Variants in METAP2 observed in about 807,000 individuals in gnomAD.
METAP2 encodes methionine aminopeptidase 2.
In METAP2, 25 loss-of-function variants were observed where a neutral mutation model predicts 59.4. The observed-to-expected ratio is 0.42, with a 90% CI of 0.31 to 0.59. The LOEUF is 0.59. Ranked by LOEUF, METAP2 falls within the 20% of genes least tolerant of loss-of-function variation. The probability of loss-of-function intolerance (pLI) is 0.16; values close to 1 mark genes in which losing one functional copy is unlikely to be tolerated. For synonymous variants in METAP2, 214 were observed against 194.1 expected (o/e 1.10, Z -0.85); for missense variants, 366 against 581.2 (o/e 0.63, Z 3.81).
intron 4 of METAP2, among the ~76,000 whole-genome samples, chr12:95,487,316 A>AT (rs5800208): frequency 0.13 from 20,008 of 148,516 alleles, 1,363 homozygotes; most frequent in Middle Eastern, 0.2. Flanking sequence ...TAAAGACACC[A>AT]TTTTTTTTTT....
chr12:95,494,385 G>C (rs1393730050), intron 5 of METAP2, among the ~76,000 whole-genome samples, 168 bp downstream of exon 5: 1 of 152,140 alleles, frequency 6.6e-6, no homozygotes, highest in Non-Finnish European at 1.5e-5. Flanking sequence ...ACCATGAAGA[G>C]GAGTACACAT....
At chr12:95,481,137 A>G (rs2140139769) in intron 2 of METAP2, among the ~76,000 whole-genome samples, 1 of 152,338 alleles carries the variant, frequency 6.6e-6, no homozygotes, top group Non-Finnish European at 1.5e-5. Flanking sequence ...AAATAAACAT[A>G]AGCAGCCTCT....
chr12:95,504,247 T>G (rs766515546), intron 8 of METAP2, 86 bp downstream of exon 8: 2 of 870,106 alleles, frequency 2.3e-6, no homozygotes, highest in Non-Finnish European at 3.7e-6. Context: ...TGCTTCATGT[T>G]TCTATCTTGG....
At chr12:95,504,567 G>A (rs1019226693) in intron 8 of METAP2, among the ~76,000 whole-genome samples, 25 of 152,330 alleles carry the variant, frequency 1.6e-4, no homozygotes, top group Admixed American at 6.5e-4. Context: ...TGCAACCAGA[G>A]CTCACTGTAG....
chr12:95,478,570 T>G (rs2076137398), intron 2 of METAP2, among the ~76,000 whole-genome samples: 1 of 150,968 alleles, frequency 6.6e-6, no homozygotes, highest in Non-Finnish European at 1.5e-5. Flanking sequence ...AGGTGGAGGT[T>G]GCTGTCAGTG....
intron 7 of METAP2, among the ~76,000 whole-genome samples, chr12:95,500,300 T>A (rs67612900): frequency 6.6e-6 from 1 of 152,148 alleles, no homozygotes; most frequent in Non-Finnish European, 1.5e-5. Context: ...ACACTTCTTT[T>A]GTGTGGAATC....
chr12:95,475,948 CAAT>C, intron 1 of METAP2, 120 bp from the exon 2 acceptor site: 1 of 604,856 alleles, frequency 1.7e-6, no homozygotes, highest in Non-Finnish European at 2.9e-6. Flanking sequence ...GTTATGTTCA[CAAT>C]AATGTTTCTG....
chr12:95,488,423 C>T (rs1043542777), intron 4 of METAP2, among the ~76,000 whole-genome samples: 6 of 148,020 alleles, frequency 4.1e-5, no homozygotes, highest in Admixed American at 6.8e-5. Flanking sequence ...GCAGGAGAAT[C>T]GCTTGAACAC....
chr12:95,511,928 T>C lies in METAP2; in HGVS notation c.998T>C (p.Ile333Thr). Residue 333 changes from isoleucine (I) to threonine (T), a missense_variant, in exon 9 of 11, where the codon ATT becomes ACT. By Grantham distance (89) the Ile-to-Thr change is moderately conservative. Around this residue, in one of 4 missense-constraint regions of METAP2, gnomAD observed 106 missense variants for 221.9 expected, o/e 0.48. Transcript: ENST00000323666. The stretch of plus-strand genomic sequence containing the variant: ...ATCCGTAATCTAAATGGACATTCAA[T>C]TGGGCAATATAGAATACATGCTGGA... ...KPIRNLNGHS[I>T]GQYRIHAGKT... is the part of the protein sequence containing the mutation. 1.2e-6 allele frequency: 2 copies of C among 1,610,890 alleles called. No individual in the cohort carries two copies. The highest frequency in any genetic ancestry group is 1.7e-6 in the Non-Finnish European group (2 of 1,178,368).
At chr12:95,511,823 C>A in intron 8 of METAP2, 72 bp from the exon 9 acceptor site, 1 of 1,064,830 alleles carries the variant, frequency 9.4e-7, no homozygotes, top group Admixed American at 2.1e-5. Context: ...GAACTCTGTA[C>A]CAAAATGTAA....
intron 3 of METAP2, among the ~76,000 whole-genome samples, chr12:95,484,099 G>GT (rs1180744382): frequency 3.3e-5 from 5 of 152,108 alleles, no homozygotes; most frequent in Admixed American, 2.6e-4. Context: ...CAACATGTAA[G>GT]TTTTAATCTT....
intron 2 of METAP2, among the ~76,000 whole-genome samples, chr12:95,478,192 C>T (rs1473205280): frequency 2.6e-5 from 4 of 151,996 alleles, no homozygotes; most frequent in Admixed American, 2.0e-4. Context: ...TACAAAGTTG[C>T]CCATCAGGTT....
intron 7 of METAP2, among the ~76,000 whole-genome samples, chr12:95,497,028 C>G (rs979152817): frequency 6.6e-6 from 1 of 151,786 alleles, no homozygotes; most frequent in African/African-American, 2.4e-5. Context: ...TTTCACCATG[C>G]TGGCCAGGCT....
intron 2 of METAP2, among the ~76,000 whole-genome samples, chr12:95,476,514 AAAAGAAAGAAAG>A (rs373561404): frequency 1.4e-5 from 2 of 140,970 alleles, no homozygotes; most frequent in South Asian, 2.3e-4. Flanking sequence ...TGTCTCAAAA[AAAAGAAAGAAAG>A]AAAGAAAGAA....
Position 95,505,492 on chromosome 12 carries a change from A to AT in METAP2, c.964+1342dup, listed in dbSNP as rs1326677016. The stretch of plus-strand genomic sequence containing the variant: ...GGTGCCCACCACCACGCCCGGCCAA[A>AT]TTTTTTTTTTTGAGATGGAGTCTTG... On this transcript the variant is annotated intron_variant, in intron 8 of 10. Coordinates refer to ENST00000323666, the MANE Select transcript of METAP2 (RefSeq NM_006838.4). Among the ~76,000 whole-genome samples the AT allele has an allele frequency of 3.5e-4, 51 of 147,226 alleles. 1 individual carries two copies. The highest frequency in any genetic ancestry group is 3.2e-3 in the South Asian group (15 of 4,632).
chr12:95,513,931 T>G lies in METAP2; in HGVS notation c.*27T>G. 6.3e-7 allele frequency: 1 copy of G among 1,581,500 alleles called. No homozygotes were observed. The highest frequency in any genetic ancestry group is 8.6e-7 in the Non-Finnish European group (1 of 1,163,526). On this transcript the variant is annotated 3_prime_UTR_variant, in exon 11 of 11. Transcript: ENST00000323666. ...CTTAGTCCAAAGCCACCTCAACACC[T>G]TTATTTTCTGAGCTTTGTTGGAAAA...
chr12:95,504,436 G>A (rs66536118), intron 8 of METAP2, among the ~76,000 whole-genome samples: 13,249 of 152,232 alleles, frequency 0.087, 818 homozygotes, highest in African/African-American at 0.17. Flanking sequence ...TCAAGGCTGA[G>A]AGAAGCCAGG....
At position 95,515,268 on chromosome 12, in the gene METAP2, G is replaced by A. The variant is rs201442541; in HGVS notation, c.*1364G>A. 6.6e-6 allele frequency: 1 copy of A among 152,628 alleles called. No individual in the cohort carries two copies. The highest frequency in any genetic ancestry group is 2.1e-4 in the South Asian group (1 of 4,826). 9.5% of individuals were successfully genotyped at this position (152,628 alleles called of 1,614,324 possible). On this transcript the variant is annotated 3_prime_UTR_variant, in exon 11 of 11. Coordinates refer to ENST00000323666, the MANE Select transcript of METAP2 (RefSeq NM_006838.4). ...CTCTTTCAGCATTAGAGCTATAAAT[G>A]AATGTTACCTTGTCGGGAAACAATC... is the stretch of plus-strand genomic sequence containing the variant.
At chr12:95,474,999 A>G (rs188410936) in intron 1 of METAP2, among the ~76,000 whole-genome samples, 55 of 152,310 alleles carry the variant, frequency 3.6e-4, no homozygotes, top group East Asian at 7.7e-4. Flanking sequence ...CAGGCAGTGC[A>G]GATAGGATAT....
Sources: allele counts gnomAD v4.1 joint callset (sites outside exome capture counted in the v4.1 genomes callset), GRCh38; gene constraint gnomAD v4.1.1; regional missense constraint gnomAD v4.1.1; transcripts MANE v1.5; gene names NCBI Gene and HGNC (gene_info 2026-07-23, HGNC 2026-07-21).